The following TNRC18 variants were observed in gnomAD, a reference collection of about 807,000 sequenced individuals.
The protein encoded by TNRC18 is trinucleotide repeat-containing gene 18 protein.
TNRC18 carries 69 observed loss-of-function variants against 226.7 expected under a neutral mutation model. The observed-to-expected ratio is 0.30, with a 90% CI of 0.25 to 0.37. TNRC18 has a LOEUF of 0.37. TNRC18 is among the 10% of genes least tolerant of loss of function. TNRC18 has a pLI of 1.00. For missense variants in TNRC18, 4,754 were observed against 4,256.6 expected, an observed-to-expected ratio of 1.12 and a Z score of -3.25; for synonymous variants, 2,449 against 1,927.6, an observed-to-expected ratio of 1.27 and a Z score of -7.09.
intron 2 of TNRC18, among the ~76,000 whole-genome samples, chr7:5,411,252 G>C (rs1010702931): frequency 6.6e-6 from 1 of 151,622 alleles, no homozygotes; most frequent in Non-Finnish European, 1.5e-5. Flanking sequence ...AAAAGGAAGG[G>C]GGAGGTGGGG....
chr7:5,395,560 A>G (rs1185375728), intron 2 of TNRC18, among the ~76,000 whole-genome samples: 1 of 152,260 alleles, frequency 6.6e-6, no homozygotes, highest in Non-Finnish European at 1.5e-5. Flanking sequence ...CCTCTGGGTC[A>G]CAGGTCAGAG....
chr7:5,404,884 C>T (rs542885938), intron 2 of TNRC18, among the ~76,000 whole-genome samples: 11 of 151,884 alleles, frequency 7.2e-5, no homozygotes, highest in South Asian at 2.1e-4. Flanking sequence ...GAGGCCGAGG[C>T]GGGCAGATTG....
At chr7:5,401,632 A>G (rs538758103) in intron 2 of TNRC18, among the ~76,000 whole-genome samples, 1 of 152,380 alleles carries the variant, frequency 6.6e-6, no homozygotes, top group African/African-American at 2.4e-5. Context: ...AAGCACCCAG[A>G]CAGTAAACGA....
Position 5,312,966 on chromosome 7 carries a change from G to C in TNRC18, c.7925C>G (p.Ser2642Cys), listed in dbSNP as rs745602328. 10 of 1,164,958 alleles carry C rather than the reference G, an allele frequency of 8.6e-6. No homozygotes were observed. Among genetic ancestry groups the C allele is most frequent in the Non-Finnish European group, 1.2e-5 (10 of 820,880 alleles). 72.2% of individuals were successfully genotyped at this position (1,164,958 alleles called of 1,614,324 possible). The change falls in exon 27 of 30, where the codon TCT becomes TGT. Residue 2642 changes from serine to cysteine, a missense_variant. Transcript: ENST00000430969. This position sits in a 1 kb window ranked among gnomAD's most constrained non-coding sequence, Gnocchi z 6.3. ...GGAAGAGGAGGAAGACGAAGAGGAA[G>C]AGGAGGAGGAGGAAGAGGAGGAGGA... is the stretch of plus-strand genomic sequence containing the variant. ...SSSSSSSSSS[S>C]SSSSSSSSSS...
In TNRC18 at chr7:5,405,916, A is replaced by T. The variant is rs528256609; in HGVS notation, c.188-11321T>A. Reference sequence around the variant, plus strand: ...CGTTTCTATTTTAAAAAATAAAAATAGAAAAGTATGCAGACGTTGAAATCC... The same window carrying T: ...CGTTTCTATTTTAAAAAATAAAAATTGAAAAGTATGCAGACGTTGAAATCC... On this transcript the variant is annotated intron_variant, in intron 2 of 29. Transcript: ENST00000430969. Among the ~76,000 whole-genome samples, 43 of 152,302 alleles carry T rather than the reference A, an allele frequency of 2.8e-4. 1 individual carries two copies. The highest frequency in any genetic ancestry group is 5.0e-4 in the Non-Finnish European group (34 of 68,008).
intron 2 of TNRC18, among the ~76,000 whole-genome samples, chr7:5,404,591 G>A (rs960804633): frequency 6.6e-6 from 1 of 152,070 alleles, no homozygotes; most frequent in Non-Finnish European, 1.5e-5. Flanking sequence ...CCAGCTTTTG[G>A]AAAACAAATC....
At chr7:5,361,524 C>T in intron 14 of TNRC18, 70 bp downstream of exon 14, 1 of 1,424,396 alleles carries the variant, frequency 7.0e-7, no homozygotes, top group Non-Finnish European at 9.2e-7. Context: ...GAGGCAGGCC[C>T]TGCGTGGGGC....
chr7:5,343,852 T>G (rs555750975), intron 18 of TNRC18, among the ~76,000 whole-genome samples: 1 of 152,246 alleles, frequency 6.6e-6, no homozygotes, highest in African/African-American at 2.4e-5. Context: ...AACATTCACG[T>G]GACTTGCTTT....
At chr7:5,404,769 T>C (rs1208951647) in intron 2 of TNRC18, among the ~76,000 whole-genome samples, 2 of 144,588 alleles carry the variant, frequency 1.4e-5, no homozygotes, top group East Asian at 2.1e-4. Flanking sequence ...TTTCAGTGTG[T>C]GTGTGTGTGT....
In TNRC18 at chr7:5,387,706, G is replaced by A; in HGVS notation, c.2118C>T (p.Asp706=). Residue 706 remains aspartate (D), a synonymous_variant, in exon 5 of 30, where the codon GAC becomes GAT. Coordinates refer to ENST00000430969, the MANE Select transcript of TNRC18 (RefSeq NM_001080495.3). ...GSGRLGPGLV[D]QERSLSLSNV... is the part of the protein sequence containing the mutation. ...TACTCAGCGACAGAGAGCGCTCCTG[G>A]TCTACCAGCCCAGGCCCCAGCCGGC... is the stretch of plus-strand genomic sequence containing the variant. 1 of 1,605,626 alleles carries A rather than the reference G, an allele frequency of 6.2e-7. No homozygotes were observed.
intron 2 of TNRC18, among the ~76,000 whole-genome samples, chr7:5,408,664 C>A (rs1467954624): frequency 2.6e-5 from 4 of 151,948 alleles, no homozygotes; most frequent in South Asian, 2.1e-4. Context: ...GAAAAAAAAA[C>A]CATTTGGAAG....
Position 5,377,501 on chromosome 7 carries a change from G to A in TNRC18, c.2331C>T (p.Leu777=). ...CCAGCGCCGGGCCCCCCGTCACCAT[G>A]AGGTTGGGGTTCAGGCCGTTAGGAG... ...SCAPNGLNPN[L]MVTGGPALAG... Residue 777 remains leucine (L), a synonymous_variant, in exon 7 of 30, where the codon CTC becomes CTT. Coordinates refer to ENST00000430969, the MANE Select transcript of TNRC18 (RefSeq NM_001080495.3). This position sits in a 1 kb window ranked among gnomAD's most constrained non-coding sequence, Gnocchi z 5.8. 6.3e-7 allele frequency: 1 copy of A among 1,586,332 alleles called. No homozygotes were observed. The highest frequency in any genetic ancestry group is 8.6e-7 in the Non-Finnish European group (1 of 1,166,998).
chr7:5,331,848 T>A (rs2128126451), intron 19 of TNRC18, among the ~76,000 whole-genome samples: 1 of 152,268 alleles, frequency 6.6e-6, no homozygotes, highest in East Asian at 1.9e-4. Flanking sequence ...AGTTCAAGGT[T>A]GCAGTGAGCC....
Position 5,394,194 on chromosome 7 carries a change from A to G in TNRC18, c.343+246T>C, listed in dbSNP as rs1177358992. Among the ~76,000 whole-genome samples the G allele has an allele frequency of 6.6e-6, 1 of 152,144 alleles. No homozygotes were observed. Among genetic ancestry groups the G allele is most frequent in the African/African-American group, 2.4e-5 (1 of 41,424 alleles). ...AGAGGGGGTCTCTGAGCTGAGCCGG[A>G]GGAGGACTGGAAGGTGGTCTGTGGC... On this transcript the variant is annotated intron_variant, in intron 3 of 29. Coordinates refer to ENST00000430969, the MANE Select transcript of TNRC18 (RefSeq NM_001080495.3). This position sits in a 1 kb window ranked among gnomAD's most constrained non-coding sequence, Gnocchi z 4.5.
rs776281655 is a variant in TNRC18, at chr7:5,389,157, T to C, written c.667A>G (p.Lys223Glu). Residue 223 changes from lysine (K) to glutamate (E), a missense_variant, in exon 5 of 30, where the codon AAG (lysine) becomes GAG (glutamate). Transcript: ENST00000430969. Reference sequence around the variant, plus strand: ...TCCTCGCCCCGGGCGCGCGGGTCCTTCTTGCCGAAAAGCGGAGGCGGCTCC... The same window carrying C: ...TCCTCGCCCCGGGCGCGCGGGTCCTCCTTGCCGAAAAGCGGAGGCGGCTCC... ...GGEPPPLFGK[K>E]DPRARGEEAS... is the part of the protein sequence containing the mutation. The C allele has an allele frequency of 7.5e-7, 1 of 1,327,388 alleles. No homozygotes were observed. Among genetic ancestry groups the C allele is most frequent in the Non-Finnish European group, 9.6e-7 (1 of 1,039,198 alleles). The allele number at this position is 1,327,388 out of a possible 1,614,324, so 82.2% of individuals were successfully genotyped here.
intron 4 of TNRC18, chr7:5,389,950 T>G (rs200904386): frequency 6.2e-4 from 97 of 156,912 alleles, no homozygotes; most frequent in African/African-American, 2.2e-3. Flanking sequence ...GAGACCAGGG[T>G]TTGTTTTCAA....
chr7:5,338,644 G>A (rs576174270), intron 18 of TNRC18, among the ~76,000 whole-genome samples: 11 of 148,278 alleles, frequency 7.4e-5, no homozygotes, highest in South Asian at 6.4e-4. Flanking sequence ...AAAAGAGCTC[G>A]GCACAGTAGC....
At chr7:5,372,234 ATT>A (rs754751204) in intron 10 of TNRC18, among the ~76,000 whole-genome samples, 14 of 141,588 alleles carry the variant, frequency 9.9e-5, no homozygotes, top group Admixed American at 2.1e-4. Flanking sequence ...TGCCTGGCTA[ATT>A]TTTTTTTTTT....
At chr7:5,411,944 G>C (rs1207697203) in intron 2 of TNRC18, among the ~76,000 whole-genome samples, 1 of 152,116 alleles carries the variant, frequency 6.6e-6, no homozygotes, top group Non-Finnish European at 1.5e-5. Context: ...CAGCACTTAG[G>C]GAAGTCCAGG....
Sources: allele counts gnomAD v4.1 joint callset (sites outside exome capture counted in the v4.1 genomes callset), GRCh38; gene constraint gnomAD v4.1.1; non-coding constraint Gnocchi (gnomAD v3.1); transcripts MANE v1.5; gene names NCBI Gene and HGNC (gene_info 2026-07-23, HGNC 2026-07-21).